CDH4: variants seen among roughly 807,000 people sequenced by gnomAD.
The protein encoded by CDH4 is cadherin-4.
CDH4 carries 33 observed loss-of-function variants against 86.0 expected under a neutral mutation model. That is an observed-to-expected ratio of 0.38 (90% CI 0.29 to 0.51). The LOEUF (loss-of-function observed/expected upper bound fraction) is 0.51. Ranked by LOEUF, CDH4 falls within the 20% of genes least tolerant of loss-of-function variation. CDH4 has a pLI of 0.86. For missense variants in CDH4, 1,114 were observed against 1,307.4 expected, an observed-to-expected ratio of 0.85 and a Z score of 2.28; for synonymous variants, 555 against 549.4, an observed-to-expected ratio of 1.01 and a Z score of -0.14.
intron 2 of CDH4, among the ~76,000 whole-genome samples, chr20:61,697,743 A>G (rs61437542): frequency 0.14 from 20,871 of 151,988 alleles, 1,823 homozygotes; most frequent in East Asian, 0.35. Context: ...CCCCGGAGGG[A>G]CGTCTCCCCA....
intron 3 of CDH4, among the ~76,000 whole-genome samples, chr20:61,761,847 T>TTCCTCTCACAGGAAGC (rs2088637164): frequency 6.6e-6 from 1 of 152,206 alleles, no homozygotes; most frequent in Non-Finnish European, 1.5e-5. Flanking sequence ...CAGAGCACCT[T>TTCCTCTCACAGGAAGC]TCCTCTCACA....
intron 2 of CDH4, among the ~76,000 whole-genome samples, chr20:61,272,361 CCT>C (rs1394950019): frequency 6.6e-6 from 1 of 152,198 alleles, no homozygotes; most frequent in East Asian, 1.9e-4. Flanking sequence ...GCAGTCGCCC[CCT>C]GTCTATCTGC....
chr20:61,792,983 GAC>G (rs1391425306), intron 4 of CDH4, among the ~76,000 whole-genome samples: 3 of 120,274 alleles, frequency 2.5e-5, no homozygotes, highest in African/African-American at 8.6e-5. Flanking sequence ...TTGTTTTTGA[GAC>G]AGAGTTTCAC....
chr20:61,820,815 G>C (rs1388595578), intron 4 of CDH4, among the ~76,000 whole-genome samples: 1 of 152,138 alleles, frequency 6.6e-6, no homozygotes, highest in Non-Finnish European at 1.5e-5. Flanking sequence ...AACCTTCCCA[G>C]GATCAGCTCA....
intron 2 of CDH4, among the ~76,000 whole-genome samples, chr20:61,457,694 G>A: frequency 6.6e-6 from 1 of 151,884 alleles, no homozygotes; most frequent in Non-Finnish European, 1.5e-5. Flanking sequence ...GGTGGTGTTG[G>A]GATGGTGATG....
At chr20:61,375,946 GTGGTGGTCATAGCACTGGTGGTGA>G (rs1247712179) in intron 2 of CDH4, among the ~76,000 whole-genome samples, 1 of 55,808 alleles carries the variant, frequency 1.8e-5, no homozygotes, top group Non-Finnish European at 3.9e-5. Flanking sequence ...GGTGGTGCTG[GTGGTGGTCATAGCACTGGTGGTGA>G]TGGTATGGTT....
intron 2 of CDH4, among the ~76,000 whole-genome samples, chr20:61,375,823 T>TTGGTGC (rs1555842645): frequency 2.9e-4 from 1 of 3,446 alleles, no homozygotes; most frequent in African/African-American, 1.0e-3. Flanking sequence ...TGTGATGGTC[T>TTGGTGC]TGGTGGTGGT....
At chr20:61,652,938 A>ATTTATTTTT (rs1555819716) in intron 2 of CDH4, among the ~76,000 whole-genome samples, 57 of 97,328 alleles carry the variant, frequency 5.9e-4, no homozygotes, top group South Asian at 1.2e-3. Flanking sequence ...TTATTTATTT[A>ATTTATTTTT]TTTTTTTTTT....
At chr20:61,927,685 T>A (rs2055059163) in intron 11 of CDH4, among the ~76,000 whole-genome samples, 1 of 152,192 alleles carries the variant, frequency 6.6e-6, no homozygotes, top group Non-Finnish European at 1.5e-5. Flanking sequence ...ATCCCAGCCC[T>A]CAGGGGCCAG....
In CDH4 at chr20:61,684,241, G is replaced by A. The variant is rs996419397; in HGVS notation, c.170-59322G>A. ...CCGTCGGAGTGCTGTGAATGAGGGG[G>A]ACTGGCCGGCCTGGGAAGTGGCCTG... On this transcript the variant is annotated intron_variant, in intron 2 of 15. Coordinates refer to ENST00000614565, the MANE Select transcript of CDH4 (RefSeq NM_001794.5). The surrounding 1 kb of genome is among the most constrained non-coding windows in gnomAD (Gnocchi z 4.5). Among the ~76,000 whole-genome samples, 8 of 152,180 alleles carry A rather than the reference G, an allele frequency of 5.3e-5. No homozygotes were observed. Among genetic ancestry groups the A allele is most frequent in the African/African-American group, 1.7e-4 (7 of 41,446 alleles).
At chr20:61,790,966 C>G (rs1287353431) in intron 4 of CDH4, among the ~76,000 whole-genome samples, 1 of 152,252 alleles carries the variant, frequency 6.6e-6, no homozygotes, top group Non-Finnish European at 1.5e-5. Context: ...ACCCATCCAT[C>G]CTCAGTGCTC....
chr20:61,491,977 G>A (rs2085628296), intron 2 of CDH4, among the ~76,000 whole-genome samples: 1 of 151,974 alleles, frequency 6.6e-6, no homozygotes, highest in African/African-American at 2.4e-5. Context: ...AGTGGTGTCA[G>A]TATTGTTGAT....
At position 61,377,852 on chromosome 20, in the gene CDH4, C is replaced by T. The variant is rs1229310610; in HGVS notation, c.169+122915C>T. Among the ~76,000 whole-genome samples, 1 of 152,228 alleles carries T rather than the reference C, an allele frequency of 6.6e-6. No homozygotes were observed. Among genetic ancestry groups the T allele is most frequent in the African/African-American group, 2.4e-5 (1 of 41,456 alleles). On this transcript the variant is annotated intron_variant, in intron 2 of 15. Coordinates refer to ENST00000614565, the MANE Select transcript of CDH4 (RefSeq NM_001794.5). This position sits in a 1 kb window ranked among gnomAD's most constrained non-coding sequence, Gnocchi z 4.0. ...CTGTCCTCTGTAGCAGAAGGGAGATCAATGCAGCCCTGCCAATTAGCGGGG... is the reference window on the plus strand; with the variant it reads ...CTGTCCTCTGTAGCAGAAGGGAGATTAATGCAGCCCTGCCAATTAGCGGGG...
chr20:61,383,134 A>C lies in CDH4; in HGVS notation c.169+128197A>C, dbSNP rs1020148578. Among the ~76,000 whole-genome samples the C allele has an allele frequency of 4.3e-5, 4 of 92,854 alleles. 1 individual carries two copies. Among genetic ancestry groups the C allele is most frequent in the Non-Finnish European group, 8.6e-5 (4 of 46,690 alleles). 60.9% of individuals were successfully genotyped at this position (92,854 alleles called of 152,430 possible). On this transcript the variant is annotated intron_variant, in intron 2 of 15. Coordinates refer to ENST00000614565, the MANE Select transcript of CDH4 (RefSeq NM_001794.5). ...TATATAGAATATATATGAATATATTATATATATGAATATATATGAATATAT... is the reference window on the plus strand; with the variant it reads ...TATATAGAATATATATGAATATATTCTATATATGAATATATATGAATATAT...
At chr20:61,888,175 C>T (rs529960148) in intron 7 of CDH4, among the ~76,000 whole-genome samples, 551 of 152,310 alleles carry the variant, frequency 3.6e-3, no homozygotes, top group African/African-American at 9.8e-3. Flanking sequence ...TGCAGAGCCG[C>T]CGCCACTGCC....
chr20:61,436,862 GAC>G (rs1417147738), intron 2 of CDH4, among the ~76,000 whole-genome samples: 1 of 152,170 alleles, frequency 6.6e-6, no homozygotes, highest in Non-Finnish European at 1.5e-5. Flanking sequence ...GCATAACAAA[GAC>G]ACTCCAATCT....
At chr20:61,281,346 G>A (rs1162309427) in intron 2 of CDH4, among the ~76,000 whole-genome samples, 1 of 152,196 alleles carries the variant, frequency 6.6e-6, no homozygotes, top group Non-Finnish European at 1.5e-5. Context: ...TTACAAAAGG[G>A]ACCCCAGAGA....
At chr20:61,415,550 CT>C (rs1274262258) in intron 2 of CDH4, among the ~76,000 whole-genome samples, 3 of 152,150 alleles carry the variant, frequency 2.0e-5, no homozygotes, top group African/African-American at 4.8e-5. Context: ...TCCCCCGCCC[CT>C]GGCCCCCACC....
At chr20:61,918,677 G>T (rs2054932285) in intron 9 of CDH4, among the ~76,000 whole-genome samples, 1 of 152,146 alleles carries the variant, frequency 6.6e-6, no homozygotes, top group Non-Finnish European at 1.5e-5. Context: ...CCTAAGCGTG[G>T]TGTCGCGGTG....
Sources: gnomAD v4.1 joint callset for allele counts (sites outside exome capture counted in the v4.1 genomes callset) on GRCh38, gnomAD v4.1.1 for gene constraint, Gnocchi (gnomAD v3.1) non-coding constraint, MANE v1.5 for transcripts, NCBI Gene and HGNC (gene_info 2026-07-23, HGNC 2026-07-21) for gene names.